SPATA22: variants seen among roughly 807,000 people sequenced by gnomAD.
The protein encoded by SPATA22 is spermatogenesis-associated protein 22.
SPATA22 carries 29 observed loss-of-function variants against 47.8 expected under a neutral mutation model. The observed-to-expected ratio is 0.61, with a 90% CI of 0.45 to 0.83. The LOEUF (loss-of-function observed/expected upper bound fraction) is 0.83, where lower values mean the gene tolerates loss of function less well. Among genes scored for constraint, SPATA22 ranks in the 40% least tolerant of loss-of-function variants. The pLI is 0.00. For missense variants in SPATA22, 410 were observed against 421.7 expected, an observed-to-expected ratio of 0.97 and a Z score of 0.24; for synonymous variants, 133 against 140.9, an observed-to-expected ratio of 0.94 and a Z score of 0.40.
chr17:3,481,993 A>G (rs1339102104), intron 1 of SPATA22, among the ~76,000 whole-genome samples: 1 of 152,128 alleles, frequency 6.6e-6, no homozygotes, highest in African/African-American at 2.4e-5. Context: ...AAGGAGAAAA[A>G]GAGAGGAAAT....
chr17:3,480,232 C>T (rs2073603558), intron 1 of SPATA22, among the ~76,000 whole-genome samples: 2 of 152,306 alleles, frequency 1.3e-5, no homozygotes, highest in Non-Finnish European at 2.9e-5. Flanking sequence ...GCTGCCCAGA[C>T]AGAGCTGATT....
At chr17:3,474,551 G>A (rs575704259), upstream of SPATA22, among the ~76,000 whole-genome samples, 9 of 152,254 alleles carry the variant, frequency 5.9e-5, no homozygotes, top group South Asian at 1.9e-3. Flanking sequence ...AGTGTACATG[G>A]ATGTGGACAG....
intron 5 of SPATA22, among the ~76,000 whole-genome samples, chr17:3,459,041 G>C (rs1438379724): frequency 9.9e-6 from 1 of 101,002 alleles, no homozygotes; most frequent in Non-Finnish European, 2.0e-5. Context: ...AAATAAGTCA[G>C]ACACAGAAAG....
At chr17:3,513,392 C>A (rs1006579594) in intron 1 of SPATA22, 5 of 153,402 alleles carry the variant, frequency 3.3e-5, no homozygotes, top group African/African-American at 1.2e-4. Flanking sequence ...TCCCCTCCTC[C>A]CCCAGGATAT....
At chr17:3,503,281 G>A (rs896639196) in intron 1 of SPATA22, 17 of 152,086 alleles carry the variant, frequency 1.1e-4, no homozygotes, top group African/African-American at 4.1e-4. Context: ...ACCCCACTAT[G>A]CCAGTTTTAC....
chr17:3,476,081 TA>T, upstream of SPATA22: 2 of 1,353,326 alleles, frequency 1.5e-6, no homozygotes, highest in Non-Finnish European at 1.0e-6. Flanking sequence ...TTTACATTTC[TA>T]AACCTTTCTT....
intron 1 of SPATA22, chr17:3,471,447 C>G: frequency 1.0e-6 from 1 of 985,434 alleles, no homozygotes; most frequent in Non-Finnish European, 1.2e-6. Context: ...TCCCAGCTCC[C>G]AAATGGACCT....
In SPATA22 at chr17:3,440,034, ATACTT is replaced by A. The variant is rs755932306; in HGVS notation, c.*108_*112del. ...TCTTTCCACATTTAAAAGAATTCAAATACTTTAATTCAACAAGTGAAATACAATAG... is the reference window on the plus strand; with the variant it reads ...TCTTTCCACATTTAAAAGAATTCAAATAATTCAACAAGTGAAATACAATAG... On this transcript the variant is annotated 3_prime_UTR_variant, in exon 9 of 9. Transcript: ENST00000572969. 24 of 636,310 alleles carry A rather than the reference ATACTT, an allele frequency of 3.8e-5. No homozygotes were observed. The highest frequency in any genetic ancestry group is 5.9e-5 in the Non-Finnish European group (24 of 406,532). The allele number at this position is 636,310 out of a possible 1,614,324, so 39.4% of individuals were successfully genotyped here.
intron 1 of SPATA22, 114 bp downstream of exon 1, chr17:3,471,568 G>A (rs1342881697): frequency 1.0e-6 from 1 of 985,086 alleles, no homozygotes; most frequent in African/African-American, 1.8e-5. Flanking sequence ...ATGGCGGCCT[G>A]TTTTGGCTCC....
intron 5 of SPATA22, among the ~76,000 whole-genome samples, chr17:3,459,529 C>T (rs1008718647): frequency 1.3e-5 from 2 of 152,204 alleles, no homozygotes; most frequent in Non-Finnish European, 2.9e-5. Context: ...CCTCAGCCTC[C>T]CAAGTAGCTG....
chr17:3,467,294 A>G (rs771916565), intron 3 of SPATA22, 132 bp downstream of exon 3: 3 of 708,744 alleles, frequency 4.2e-6, no homozygotes, highest in Non-Finnish European at 6.5e-6. Context: ...AGAAAGTGCT[A>G]TGTAATTTCT....
intron 1 of SPATA22, among the ~76,000 whole-genome samples, chr17:3,480,529 C>G (rs1426598163): frequency 6.6e-6 from 1 of 152,196 alleles, no homozygotes; most frequent in Non-Finnish European, 1.5e-5. Flanking sequence ...GCCAGCTGAT[C>G]TGTCAACTCA....
upstream of SPATA22, chr17:3,474,001 T>C (rs1477297737): frequency 6.6e-6 from 1 of 152,220 alleles, no homozygotes; most frequent in Non-Finnish European, 1.5e-5. Flanking sequence ...GTGTGGTTTT[T>C]TGGGTCATCC....
At chr17:3,499,628 C>A (rs1279276375) in intron 1 of SPATA22, 1 of 152,236 alleles carries the variant, frequency 6.6e-6, no homozygotes, top group Non-Finnish European at 1.5e-5. Context: ...TGATCAGTGG[C>A]CTTTGATGTT....
intron 3 of SPATA22, among the ~76,000 whole-genome samples, chr17:3,464,132 C>T (rs1325737544): frequency 1.7e-4 from 26 of 151,334 alleles, no homozygotes; most frequent in African/African-American, 3.9e-4. Context: ...AGGCGCGCGC[C>T]GCCACGCCTG....
chr17:3,445,355 A>G (rs1323259682), intron 7 of SPATA22, among the ~76,000 whole-genome samples: 1 of 152,152 alleles, frequency 6.6e-6, no homozygotes, highest in African/African-American at 2.4e-5. Flanking sequence ...GCTAAGAGAT[A>G]TGCTTCAAGC....
intron 1 of SPATA22, among the ~76,000 whole-genome samples, chr17:3,509,825 CTAT>C (rs1019686226): frequency 1.5e-3 from 135 of 91,248 alleles, no homozygotes; most frequent in African/African-American, 4.8e-3. Flanking sequence ...TCTCCAGCAT[CTAT>C]TGTTTCCTGA....
chr17:3,464,268 T>A (rs1250416408), intron 3 of SPATA22, among the ~76,000 whole-genome samples: 1 of 151,678 alleles, frequency 6.6e-6, no homozygotes, highest in Non-Finnish European at 1.5e-5. Flanking sequence ...AGACGGTGTC[T>A]GGTTCACTCA....
At chr17:3,507,544 G>A (rs2074052119) in intron 1 of SPATA22, among the ~76,000 whole-genome samples, 1 of 152,176 alleles carries the variant, frequency 6.6e-6, no homozygotes. Flanking sequence ...ACTGTCAGAG[G>A]GGTTGCTGGT....
Sources: allele counts gnomAD v4.1 joint callset (sites outside exome capture counted in the v4.1 genomes callset), GRCh38; gene constraint gnomAD v4.1.1; transcripts MANE v1.5; gene names NCBI Gene and HGNC (gene_info 2026-07-23, HGNC 2026-07-21).